Variants in LGR6 observed in about 807,000 individuals in gnomAD.
The protein encoded by LGR6 is leucine rich repeat containing G protein-coupled receptor 6.
LGR6 carries 45 observed loss-of-function variants against 69.4 expected under a neutral mutation model. The observed-to-expected ratio is 0.65, with a 90% CI of 0.51 to 0.83. LGR6 has a LOEUF of 0.83. LGR6 is among the 40% of genes least tolerant of loss of function. LGR6 has a pLI of 0.00. For synonymous variants in LGR6, 538 were observed against 555.0 expected, an observed-to-expected ratio of 0.97 and a Z score of 0.43; for missense variants, 1,108 against 1,246.7, an observed-to-expected ratio of 0.89 and a Z score of 1.68.
At chr1:202,231,325 AGGGAAATGCT>A (rs1184966337) in intron 3 of LGR6, among the ~76,000 whole-genome samples, 7 of 152,182 alleles carry the variant, frequency 4.6e-5, no homozygotes, top group Admixed American at 4.6e-4. Context: ...TGACCCACGA[AGGGAAATGCT>A]GGTCATTTGG....
At chr1:202,315,338 ACT>A (rs1654062022) in intron 17 of LGR6, among the ~76,000 whole-genome samples, 1 of 151,998 alleles carries the variant, frequency 6.6e-6, no homozygotes, top group Non-Finnish European at 1.5e-5. Context: ...CTCTGTTAAA[ACT>A]CTGCACAGTG....
chr1:202,213,570 A>T (rs1398321310), intron 1 of LGR6, among the ~76,000 whole-genome samples: 1 of 152,076 alleles, frequency 6.6e-6, no homozygotes, highest in Non-Finnish European at 1.5e-5. Context: ...CTCTACCCAC[A>T]GCCTCCCCAG....
chr1:202,274,884 G>T lies in LGR6; in HGVS notation c.429-1422G>T, dbSNP rs1355836484. ...GGGTGGGAAGTCTTTCCTAACTACA[G>T]CTTTTGAAGAGTGTCCTGGTGAATG... On this transcript the variant is annotated intron_variant, in intron 4 of 17. Transcript: ENST00000367278. Among the ~76,000 whole-genome samples, 4 of 152,230 alleles carry T rather than the reference G, an allele frequency of 2.6e-5. No homozygotes were observed. The East Asian group carries it at 7.7e-4, about 29-fold the overall frequency.
intron 1 of LGR6, among the ~76,000 whole-genome samples, chr1:202,201,951 T>TGA (rs1285017120): frequency 6.6e-6 from 1 of 152,144 alleles, no homozygotes; most frequent in African/African-American, 2.4e-5. Flanking sequence ...TGACTGTCAG[T>TGA]GAGAGACCAG....
intron 14 of LGR6, among the ~76,000 whole-genome samples, chr1:202,308,774 T>A (rs1362723168): frequency 1.3e-5 from 2 of 152,184 alleles, no homozygotes; most frequent in East Asian, 1.9e-4. Context: ...TGGGACAGCT[T>A]GGCATTAAGT....
At chr1:202,261,584 T>C (rs1313994141) in intron 4 of LGR6, among the ~76,000 whole-genome samples, 1 of 152,198 alleles carries the variant, frequency 6.6e-6, no homozygotes, top group African/African-American at 2.4e-5. Flanking sequence ...TTTATAGTCC[T>C]TTGGGTATAT....
chr1:202,292,160 C>T (rs1163990389), intron 6 of LGR6, among the ~76,000 whole-genome samples: 1 of 152,176 alleles, frequency 6.6e-6, no homozygotes, highest in Non-Finnish European at 1.5e-5. Context: ...CATCGGAGCC[C>T]ATTAAGGGAT....
intron 4 of LGR6, among the ~76,000 whole-genome samples, chr1:202,266,022 G>A (rs1664617560): frequency 6.6e-6 from 1 of 151,362 alleles, no homozygotes; most frequent in African/African-American, 2.4e-5. Context: ...AGCTCCCTGT[G>A]TTCCAAGTCT....
At chr1:202,301,396 G>A (rs960482901) in intron 9 of LGR6, among the ~76,000 whole-genome samples, 161 bp downstream of exon 9, 19 of 152,272 alleles carry the variant, frequency 1.2e-4, no homozygotes, top group African/African-American at 3.1e-4. Flanking sequence ...GCTCAGACCC[G>A]TTCCCACCTC....
chr1:202,309,086 T>C lies in LGR6; in HGVS notation c.1316T>C (p.Leu439Pro). 1 of 1,614,130 alleles carries C rather than the reference T, an allele frequency of 6.2e-7. No individual in the cohort carries two copies. Among genetic ancestry groups the C allele is most frequent in the Non-Finnish European group, 8.5e-7 (1 of 1,179,992 alleles). ...GACAACCAGCTGACCACACTGCCCCTGGCTGGACTTGGGGGCTTGATGCAT... is the reference window on the plus strand; with the variant it reads ...GACAACCAGCTGACCACACTGCCCCCGGCTGGACTTGGGGGCTTGATGCAT... ...LTDNQLTTLP[L>P]AGLGGLMHLK... Residue 439 changes from leucine to proline, a missense_variant, in exon 15 of 18, where the codon CTG becomes CCG. Leu to Pro is a moderately conservative substitution (Grantham distance 98). Coordinates refer to ENST00000367278, the MANE Select transcript of LGR6 (RefSeq NM_001017403.2).
At chr1:202,259,935 T>C (rs2148098484) in intron 4 of LGR6, among the ~76,000 whole-genome samples, 1 of 152,372 alleles carries the variant, frequency 6.6e-6, no homozygotes, top group South Asian at 2.1e-4. Flanking sequence ...CTGCCTGTTG[T>C]CCAATGCCTC....
chr1:202,235,276 T>G (rs1202126754), intron 3 of LGR6, among the ~76,000 whole-genome samples: 1 of 152,200 alleles, frequency 6.6e-6, no homozygotes, highest in Non-Finnish European at 1.5e-5. Context: ...CGTGGGGTTT[T>G]GGGACTTAGG....
chr1:202,307,393 G>C lies in LGR6; in HGVS notation c.1272G>C (p.Leu424=), dbSNP rs774032379. The C allele has an allele frequency of 6.2e-7, 1 of 1,614,036 alleles. No homozygotes were observed. Among genetic ancestry groups the C allele is most frequent in the East Asian group, 2.2e-5 (1 of 44,870 alleles). The change falls in exon 14 of 18, where the codon CTG becomes CTC. Residue 424 remains leucine, a synonymous_variant. Coordinates refer to ENST00000367278, the MANE Select transcript of LGR6 (RefSeq NM_001017403.2). ...HPEAFSTLHS[L]VKLDLTDNQL... is the part of the protein sequence containing the mutation. Reference sequence around the variant, plus strand: ...AGGCCTTCTCCACCCTGCACTCCCTGGTCAAGCTGTAAGTGCCTGCTGCAT... The same window carrying C: ...AGGCCTTCTCCACCCTGCACTCCCTCGTCAAGCTGTAAGTGCCTGCTGCAT...
intron 4 of LGR6, among the ~76,000 whole-genome samples, chr1:202,262,561 T>A (rs1664319865): frequency 6.6e-6 from 1 of 152,222 alleles, no homozygotes; most frequent in East Asian, 1.9e-4. Flanking sequence ...AGGATTGACT[T>A]GGCAATGCGG....
intron 1 of LGR6, among the ~76,000 whole-genome samples, chr1:202,205,096 G>C (rs62650683): frequency 2.4e-5 from 1 of 41,054 alleles, no homozygotes; most frequent in Non-Finnish European, 4.6e-5. Context: ...ACACACACAC[G>C]TACCTCCAAA....
intron 6 of LGR6, among the ~76,000 whole-genome samples, chr1:202,293,519 C>T (rs893921174): frequency 6.6e-6 from 1 of 151,624 alleles, no homozygotes; most frequent in African/African-American, 2.4e-5. Flanking sequence ...TTTTTTAAAC[C>T]CATCTCTCTA....
intron 4 of LGR6, among the ~76,000 whole-genome samples, chr1:202,271,057 G>C (rs1180331051): frequency 6.6e-6 from 1 of 152,194 alleles, no homozygotes; most frequent in Non-Finnish European, 1.5e-5. Context: ...AATCACTTGA[G>C]GGGCCAGGTC....
intron 6 of LGR6, among the ~76,000 whole-genome samples, chr1:202,291,938 A>G (rs1317031687): frequency 1.3e-5 from 2 of 152,232 alleles, no homozygotes; most frequent in African/African-American, 2.4e-5. Flanking sequence ...TGAGTGAATC[A>G]TTCTGACTAC....
intron 4 of LGR6, among the ~76,000 whole-genome samples, chr1:202,243,780 T>C (rs186121753): frequency 1.3e-5 from 2 of 152,242 alleles, no homozygotes; most frequent in African/African-American, 4.8e-5. Flanking sequence ...AGGAGCCAGT[T>C]GTGCATGAAT....
Sources: gnomAD v4.1 joint callset for allele counts (sites outside exome capture counted in the v4.1 genomes callset) on GRCh38, gnomAD v4.1.1 for gene constraint, MANE v1.5 for transcripts, NCBI Gene and HGNC (gene_info 2026-07-23, HGNC 2026-07-21) for gene names.